ITFG1: variants seen among roughly 807,000 people sequenced by gnomAD.
The protein encoded by ITFG1 is T-cell immunomodulatory protein.
Under a neutral mutation model 81.8 loss-of-function variants are expected in ITFG1, and 34 were observed. The observed-to-expected ratio is 0.42, with a 90% CI of 0.32 to 0.55. The LOEUF (loss-of-function observed/expected upper bound fraction) is 0.55. Among genes scored for constraint, ITFG1 ranks in the 20% least tolerant of loss-of-function variants. The probability of loss-of-function intolerance (pLI) is 0.17; values close to 1 mark genes in which losing one functional copy is unlikely to be tolerated. For synonymous variants in ITFG1, 285 were observed against 270.6 expected, an observed-to-expected ratio of 1.05 and a Z score of -0.52; for missense variants, 672 against 755.4, an observed-to-expected ratio of 0.89 and a Z score of 1.29.
At chr16:47,202,670 TCAA>T (rs1965441259) in intron 14 of ITFG1, among the ~76,000 whole-genome samples, 1 of 151,312 alleles carries the variant, frequency 6.6e-6, no homozygotes, top group East Asian at 1.9e-4. Flanking sequence ...CTAGGGGTGC[TCAA>T]CAACAACAAA....
At chr16:47,234,088 A>C (rs1592541) in intron 13 of ITFG1, among the ~76,000 whole-genome samples, 3,088 of 152,314 alleles carry the variant, frequency 0.02, 105 homozygotes, top group African/African-American at 0.07. Flanking sequence ...CCAGCTTTCA[A>C]TAAAAAATTA....
intron 6 of ITFG1, among the ~76,000 whole-genome samples, chr16:47,398,297 A>T (rs1451390644): frequency 6.6e-6 from 1 of 152,234 alleles, no homozygotes; most frequent in Non-Finnish European, 1.5e-5. Flanking sequence ...GAAAAACAAA[A>T]AAAAAGGCCT....
chr16:47,349,919 G>C (rs559458350), intron 8 of ITFG1, among the ~76,000 whole-genome samples: 50 of 152,152 alleles, frequency 3.3e-4, no homozygotes, highest in South Asian at 1.5e-3. Context: ...CTCAAAACTG[G>C]TCAACTACAT....
chr16:47,296,627 G>A (rs1473288783), intron 10 of ITFG1, among the ~76,000 whole-genome samples: 1 of 152,124 alleles, frequency 6.6e-6, no homozygotes, highest in Non-Finnish European at 1.5e-5. Context: ...GTAGAGATGG[G>A]GTTTCGCCAT....
intron 14 of ITFG1, among the ~76,000 whole-genome samples, chr16:47,177,099 A>C (rs994677233): frequency 1.3e-5 from 2 of 152,016 alleles, no homozygotes; most frequent in Non-Finnish European, 2.9e-5. Flanking sequence ...AGCTGGGAGT[A>C]TAGGCACATG....
intron 6 of ITFG1, among the ~76,000 whole-genome samples, chr16:47,419,639 C>A (rs1294094131): frequency 7.7e-6 from 1 of 129,686 alleles, no homozygotes; most frequent in Non-Finnish European, 1.6e-5. Context: ...TGGAGTCTCA[C>A]TCTGTCACCC....
chr16:47,437,493 T>C (rs1969182939), intron 5 of ITFG1, among the ~76,000 whole-genome samples: 1 of 150,308 alleles, frequency 6.7e-6, no homozygotes, highest in Non-Finnish European at 1.5e-5. Flanking sequence ...AAAAGCCTTA[T>C]CTCTTAAGGA....
chr16:47,348,799 A>G (rs1967901303), intron 8 of ITFG1, among the ~76,000 whole-genome samples: 1 of 152,190 alleles, frequency 6.6e-6, no homozygotes, highest in African/African-American at 2.4e-5. Flanking sequence ...AATGTTCAGG[A>G]CAGCCAGAGA....
intron 10 of ITFG1, among the ~76,000 whole-genome samples, chr16:47,298,158 G>C (rs555227829): frequency 5.3e-4 from 81 of 151,904 alleles, no homozygotes; most frequent in Non-Finnish European, 9.7e-4. Flanking sequence ...TTTTCTAGCA[G>C]TTCTGGCTTT....
intron 4 of ITFG1, 60 bp from the exon 5 acceptor site, chr16:47,451,530 T>C: frequency 7.6e-6 from 7 of 918,966 alleles, no homozygotes; most frequent in Non-Finnish European, 1.2e-5. Context: ...CTAATTTAGC[T>C]TTAAAAGAAG....
At chr16:47,452,183 C>T (rs1327411094) in intron 4 of ITFG1, among the ~76,000 whole-genome samples, 1 of 152,168 alleles carries the variant, frequency 6.6e-6, no homozygotes, top group Non-Finnish European at 1.5e-5. Flanking sequence ...AAAGACAGTA[C>T]TGGAAACAAG....
chr16:47,275,296 T>C (rs1966385793), intron 10 of ITFG1, among the ~76,000 whole-genome samples: 1 of 152,188 alleles, frequency 6.6e-6, no homozygotes, highest in Non-Finnish European at 1.5e-5. Context: ...TTATATTTCT[T>C]CAACTGCTGT....
chr16:47,302,064 T>G (rs1011066117), intron 10 of ITFG1, among the ~76,000 whole-genome samples: 1 of 152,036 alleles, frequency 6.6e-6, no homozygotes, highest in African/African-American at 2.4e-5. Flanking sequence ...GTTTCTGAGG[T>G]TTCTGATTAT....
At chr16:47,236,236 G>A (rs1431281866) in intron 13 of ITFG1, among the ~76,000 whole-genome samples, 2 of 152,186 alleles carry the variant, frequency 1.3e-5, no homozygotes, top group South Asian at 2.1e-4. Flanking sequence ...AGCACTTTGG[G>A]AGGCTGAGGC....
intron 14 of ITFG1, among the ~76,000 whole-genome samples, chr16:47,163,914 TACACACACAC>T (rs56117889): frequency 7.9e-5 from 11 of 139,420 alleles, no homozygotes; most frequent in South Asian, 2.4e-4. Flanking sequence ...GAAGCTCAAC[TACACACACAC>T]ACACACACAC....
Position 47,461,059 on chromosome 16 carries a change from C to T in ITFG1, c.-14G>A. On this transcript the variant is annotated 5_prime_UTR_variant, in exon 1 of 18. Coordinates refer to ENST00000320640, the MANE Select transcript of ITFG1 (RefSeq NM_030790.5). ...CGCCGCCGCCATGGCAGCCCCTCAG[C>T]CCCCGCCCGCCGGCCCAACGCCGCG... 2.0e-6 allele frequency: 3 copies of T among 1,519,172 alleles called. No homozygotes were observed. Among genetic ancestry groups the T allele is most frequent in the Middle Eastern group, 2.3e-4 (1 of 4,322 alleles). 94.1% of individuals were successfully genotyped at this position (1,519,172 alleles called of 1,614,324 possible). A position where few individuals can be genotyped will look rare whatever the true frequency, so the allele number is the denominator to read the frequency against.
intron 8 of ITFG1, among the ~76,000 whole-genome samples, chr16:47,355,608 A>G (rs1329787549): frequency 6.6e-6 from 1 of 152,220 alleles, no homozygotes; most frequent in Admixed American, 6.5e-5. Flanking sequence ...TACACAATGT[A>G]TACATGTATT....
Position 47,231,069 on chromosome 16 carries a change from C to A in ITFG1, c.1374+6896G>T, listed in dbSNP as rs561419509. ...AGCCCAAATGACAAATTATTAAGCACCAGCCCCTCTGTTAGGTTCCAGGAC... is the reference window on the plus strand; with the variant it reads ...AGCCCAAATGACAAATTATTAAGCAACAGCCCCTCTGTTAGGTTCCAGGAC... On this transcript the variant is annotated intron_variant, in intron 13 of 17. Coordinates refer to ENST00000320640, the MANE Select transcript of ITFG1 (RefSeq NM_030790.5). 7.9e-5 allele frequency among the ~76,000 whole-genome samples: 12 copies of A among 152,314 alleles called. No individual in the cohort carries two copies. The East Asian group carries it at 1.5e-3, about 20-fold the overall frequency.
At chr16:47,371,911 CTCTT>C (rs1467035598) in intron 7 of ITFG1, among the ~76,000 whole-genome samples, 4 of 150,132 alleles carry the variant, frequency 2.7e-5, no homozygotes, top group South Asian at 4.2e-4. Context: ...TTGCCACTCT[CTCTT>C]TTTTTTTTTT....
Sources: allele counts gnomAD v4.1 joint callset (sites outside exome capture counted in the v4.1 genomes callset), GRCh38; gene constraint gnomAD v4.1.1; transcripts MANE v1.5; gene names NCBI Gene and HGNC (gene_info 2026-07-23, HGNC 2026-07-21).